The following TMEM216 variants were observed in gnomAD, a reference collection of about 807,000 sequenced individuals.
TMEM216 encodes the protein transmembrane protein 216, also known as cerebello-oculo-renal syndrome 2.
A neutral mutation model predicts 17.8 loss-of-function variants in TMEM216; 15 were observed. That is an observed-to-expected ratio of 0.84 (90% CI 0.56 to 1.30). TMEM216 has a LOEUF of 1.30. TMEM216 is among the 50% of genes most tolerant of loss of function. The pLI is 0.00. For missense variants in TMEM216, 160 were observed against 175.7 expected (o/e 0.91, Z 0.51); for synonymous variants, 58 against 73.5 (o/e 0.79, Z 1.08).
chr11:61,393,653 C>CA (rs1199209352), intron 2 of TMEM216, among the ~76,000 whole-genome samples: 1 of 152,220 alleles, frequency 6.6e-6, no homozygotes, highest in Non-Finnish European at 1.5e-5. Context: ...TACATCCAAT[C>CA]ATTTTGGAGA....
At chr11:61,396,133 G>A (rs1858792940) in intron 3 of TMEM216, among the ~76,000 whole-genome samples, 1 of 152,162 alleles carries the variant, frequency 6.6e-6, no homozygotes, top group South Asian at 2.1e-4. Flanking sequence ...CTGTCCATAC[G>A]GGATTGTTAA....
At chr11:61,392,773 C>T in intron 1 of TMEM216, 108 bp downstream of exon 1, 1 of 1,528,714 alleles carries the variant, frequency 6.5e-7, no homozygotes, top group Non-Finnish European at 8.8e-7. Flanking sequence ...GCGTTAGGGA[C>T]GTCGCGCCTC....
At position 61,393,352 on chromosome 11, in the gene TMEM216, TGAC is replaced by T. The variant is rs751485492; in HGVS notation, c.136+24_136+26del. Reference sequence around the variant, plus strand: ...ATAAAGGTAAGGAAGGCTTGGGGCTTGACGACAGCATCCCTTCCCCACTTCAGC... The same window carrying T: ...ATAAAGGTAAGGAAGGCTTGGGGCTTGACAGCATCCCTTCCCCACTTCAGC... On this transcript the variant is annotated intron_variant, in intron 2 of 4. Transcript: ENST00000515837. 6.8e-7 allele frequency: 1 copy of T among 1,481,198 alleles called. No homozygotes were observed. The highest frequency in any genetic ancestry group is 1.2e-5 in the South Asian group (1 of 82,904). 91.8% of individuals were successfully genotyped at this position (1,481,198 alleles called of 1,614,324 possible).
At chr11:61,394,892 C>G (rs564464042) in intron 3 of TMEM216, among the ~76,000 whole-genome samples, 1 of 149,582 alleles carries the variant, frequency 6.7e-6, no homozygotes, top group East Asian at 1.9e-4. Flanking sequence ...GTCTCGATCT[C>G]CTGACCTCAT....
In TMEM216 at chr11:61,392,595, C is replaced by T. The variant is rs2135188973; in HGVS notation, c.-37C>T. The T allele has an allele frequency of 1.3e-6, 2 of 1,532,968 alleles. No individual in the cohort carries two copies. Among genetic ancestry groups the T allele is most frequent in the Non-Finnish European group, 1.7e-6 (2 of 1,145,112 alleles). 95.0% of individuals were successfully genotyped at this position (1,532,968 alleles called of 1,614,324 possible). On this transcript the variant is annotated 5_prime_UTR_variant, in exon 1 of 5. Coordinates refer to ENST00000515837, the MANE Select transcript of TMEM216 (RefSeq NM_001173990.3). ...CAGGCCGCTTCGTCCCTGTTTCCGG[C>T]AGCGCCGCGCTGCTCCGGGAGCCGC... is the stretch of plus-strand genomic sequence containing the variant.
At chr11:61,393,817 A>G (rs1858734176) in intron 2 of TMEM216, 67 bp from the exon 3 acceptor site, 4 of 1,267,002 alleles carry the variant, frequency 3.2e-6, no homozygotes, top group Non-Finnish European at 4.5e-6. Context: ...CTTTTTTCCC[A>G]AGTGTGTGGC....
chr11:61,393,176 A>T (rs1242498707), intron 1 of TMEM216, 55 bp from the exon 2 acceptor site: 2 of 1,362,494 alleles, frequency 1.5e-6, no homozygotes, highest in African/African-American at 2.9e-5. Context: ...AACCCATACG[A>T]GCAGAGAGGG....
Position 61,397,859 on chromosome 11 carries a change from T to C in TMEM216, c.315T>C (p.Tyr105=), listed in dbSNP as rs1858832935. Residue 105 remains tyrosine, a synonymous_variant, in exon 4 of 5, where the codon TAT becomes TAC. Coordinates refer to ENST00000515837, the MANE Select transcript of TMEM216 (RefSeq NM_001173990.3). The stretch of plus-strand genomic sequence containing the variant: ...TCCCATCTGCCATGATGGCCTCCTA[T>C]TACCTGCTGCTGCAGACCTACGTAC... ...LTFPSAMMAS[Y]YLLLQTYVLR... The C allele has an allele frequency of 1.2e-6, 2 of 1,613,898 alleles. No individual in the cohort carries two copies. Among genetic ancestry groups the C allele is most frequent in the Non-Finnish European group, 1.7e-6 (2 of 1,179,906 alleles).
chr11:61,394,669 ATT>A (rs879295271), intron 3 of TMEM216, among the ~76,000 whole-genome samples: 2 of 93,232 alleles, frequency 2.1e-5, no homozygotes. Context: ...ACCTGGTTGG[ATT>A]TTTTTTTTTT....
intron 3 of TMEM216, among the ~76,000 whole-genome samples, chr11:61,396,582 C>T (rs1468167380): frequency 2.0e-5 from 3 of 152,012 alleles, no homozygotes; most frequent in African/African-American, 7.2e-5. Context: ...TGCCTGAGGT[C>T]AGGAGTTCGT....
At chr11:61,392,686 G>A in intron 1 of TMEM216, 21 bp downstream of exon 1, 1 of 1,536,112 alleles carries the variant, frequency 6.5e-7, no homozygotes, top group East Asian at 2.4e-5. Flanking sequence ...GGAGGTGTGT[G>A]AGTCGCTGGT....
chr11:61,398,082 T>C, intron 4 of TMEM216, 107 bp downstream of exon 4: 1 of 1,453,044 alleles, frequency 6.9e-7, no homozygotes, highest in South Asian at 1.2e-5. Flanking sequence ...GACTTTTTTC[T>C]AGAGGGAGGA....
At chr11:61,393,766 A>C (rs1858733483) in intron 2 of TMEM216, 118 bp from the exon 3 acceptor site, 1 of 694,508 alleles carries the variant, frequency 1.4e-6, no homozygotes. Flanking sequence ...TAATGCCCAC[A>C]TCTCACTAAC....
In TMEM216 at chr11:61,397,827, T is replaced by G. The variant is rs747397060; in HGVS notation, c.283T>G (p.Leu95Val). 2 of 1,613,976 alleles carry G rather than the reference T, an allele frequency of 1.2e-6. No homozygotes were observed. The highest frequency in any genetic ancestry group is 1.7e-6 in the Non-Finnish European group (2 of 1,179,900). The change falls in exon 4 of 5, where the codon TTG (leucine) becomes GTG (valine). Residue 95 changes from leucine to valine, a missense_variant. Physicochemically the swap from Leu to Val is conservative, Grantham distance 32. Transcript: ENST00000515837. ...RKMPLSISVA[L>V]TFPSAMMASY... ...GATGCCGCTCAGTATTAGCGTGGCC[T>G]TGACCTTCCCATCTGCCATGATGGC...
In TMEM216 at chr11:61,393,174, C is replaced by G. The variant is rs532474996; in HGVS notation, c.35-57C>G. The G allele has an allele frequency of 1.3e-4, 171 of 1,333,870 alleles. No individual in the cohort carries two copies. The East Asian group carries it at 2.5e-3, about 19-fold the overall frequency. The allele number at this position is 1,333,870 out of a possible 1,614,324, so 82.6% of individuals were successfully genotyped here. On this transcript the variant is annotated intron_variant, in intron 1 of 4. Coordinates refer to ENST00000515837, the MANE Select transcript of TMEM216 (RefSeq NM_001173990.3). ...CCCCAAAGTTAGACACCAACCCATA[C>G]GAGCAGAGAGGGAGCTGCCTTCCGG...
At chr11:61,396,273 G>A (rs778149819) in intron 3 of TMEM216, among the ~76,000 whole-genome samples, 8 of 152,026 alleles carry the variant, frequency 5.3e-5, no homozygotes, top group Non-Finnish European at 1.2e-4. Context: ...GAGTTCAGGA[G>A]ATCGAGACCA....
chr11:61,394,150 C>T, intron 3 of TMEM216, 174 bp downstream of exon 3: 1 of 599,500 alleles, frequency 1.7e-6, no homozygotes, highest in Non-Finnish European at 3.0e-6. Flanking sequence ...TCAAGATTTA[C>T]CTGTTTGTTG....
intron 3 of TMEM216, among the ~76,000 whole-genome samples, chr11:61,395,144 T>C (rs1164037876): frequency 6.6e-6 from 1 of 152,038 alleles, no homozygotes; most frequent in Non-Finnish European, 1.5e-5. Flanking sequence ...ACCTGGCTAA[T>C]TTTGTGTTTT....
At chr11:61,394,759 C>T (rs1467450211) in intron 3 of TMEM216, among the ~76,000 whole-genome samples, 4 of 151,660 alleles carry the variant, frequency 2.6e-5, no homozygotes, top group Admixed American at 1.3e-4. Flanking sequence ...CTCCGCCTCC[C>T]GGGTTCAAGC....
Sources: gnomAD v4.1 joint callset for allele counts (sites outside exome capture counted in the v4.1 genomes callset) on GRCh38, gnomAD v4.1.1 for gene constraint, MANE v1.5 for transcripts, NCBI Gene and HGNC (gene_info 2026-07-23, HGNC 2026-07-21) for gene names.